Variants in EYA1 observed in about 807,000 individuals in gnomAD.
EYA1 encodes protein phosphatase EYA1.
A neutral mutation model predicts 82.0 loss-of-function variants in EYA1; 16 were observed. The ratio of observed to expected loss-of-function variants is 0.20; its 90% CI spans 0.13 to 0.30. The LOEUF is 0.30. EYA1 is among the 10% of genes least tolerant of loss of function. EYA1 has a pLI of 1.00. For synonymous variants in EYA1, 261 were observed against 264.4 expected (o/e 0.99, Z 0.12); for missense variants, 633 against 730.7 (o/e 0.87, Z 1.54).
Position 71,244,586 on chromosome 8 carries a change from T to C in EYA1, c.1140+17A>G. On this transcript the variant is annotated intron_variant, in intron 12 of 17. Coordinates refer to ENST00000340726, the MANE Select transcript of EYA1 (RefSeq NM_000503.6). ...TTTTCAGACATGCAAAAATATGTATTAAAAATTAGAACTTACTTCTAAGTC... is the reference window on the plus strand; with the variant it reads ...TTTTCAGACATGCAAAAATATGTATCAAAAATTAGAACTTACTTCTAAGTC... The C allele has an allele frequency of 7.4e-7, 1 of 1,355,008 alleles. No homozygotes were observed. Among genetic ancestry groups the C allele is most frequent in the South Asian group, 1.2e-5 (1 of 82,406 alleles). 83.9% of individuals were successfully genotyped at this position (1,355,008 alleles called of 1,614,324 possible).
chr8:71,317,263 A>G (rs1302304723), intron 7 of EYA1, among the ~76,000 whole-genome samples: 1 of 152,182 alleles, frequency 6.6e-6, no homozygotes, highest in Non-Finnish European at 1.5e-5. Context: ...CATTTCTTTT[A>G]TAACTGACAG....
intron 2 of EYA1, among the ~76,000 whole-genome samples, chr8:71,474,302 C>T (rs1279939617): frequency 1.3e-5 from 2 of 151,948 alleles, no homozygotes; most frequent in Admixed American, 6.6e-5. Context: ...TCCCTAGTGG[C>T]TATCAGCATA....
chr8:71,486,587 G>A (rs566588801), intron 2 of EYA1, among the ~76,000 whole-genome samples: 6 of 152,220 alleles, frequency 3.9e-5, no homozygotes, highest in African/African-American at 1.2e-4. Context: ...GGGATCCTCC[G>A]AATCCAGAGA....
At chr8:71,272,206 C>T (rs1481229611) in intron 9 of EYA1, among the ~76,000 whole-genome samples, 7 of 152,216 alleles carry the variant, frequency 4.6e-5, no homozygotes, top group South Asian at 4.1e-4. Flanking sequence ...TGCCTTTCCC[C>T]GCTTCTCTCA....
At chr8:71,288,798 A>G (rs1818681664) in intron 9 of EYA1, among the ~76,000 whole-genome samples, 1 of 152,252 alleles carries the variant, frequency 6.6e-6, no homozygotes, top group Non-Finnish European at 1.5e-5. Context: ...GCAAAATAGC[A>G]GAGAATTATA....
At chr8:71,229,669 A>G (rs1326202895) in intron 12 of EYA1, among the ~76,000 whole-genome samples, 1 of 152,220 alleles carries the variant, frequency 6.6e-6, no homozygotes, top group Admixed American at 6.5e-5. Context: ...TTATAAAATG[A>G]CACATACTCA....
rs988731774 is a variant in EYA1, at chr8:71,361,919, G to C, written c.-327C>G. ...CAGGAAGAAACCCGCCACAGTGGAC[G>C]GCAACAGGAAGGCTTAAAGTCGGAA... On this transcript the variant is annotated 5_prime_UTR_variant, in exon 1 of 18. Transcript: ENST00000340726. The C allele has an allele frequency of 1.0e-6, 1 of 985,332 alleles. No homozygotes were observed. Among genetic ancestry groups the C allele is most frequent in the African/African-American group, 1.7e-5 (1 of 57,238 alleles). 61.0% of individuals were successfully genotyped at this position (985,332 alleles called of 1,614,324 possible).
At chr8:71,522,723 C>T (rs955101189) in intron 2 of EYA1, among the ~76,000 whole-genome samples, 1 of 151,256 alleles carries the variant, frequency 6.6e-6, no homozygotes, top group Non-Finnish European at 1.5e-5. Context: ...GGCTCAAGTG[C>T]TCCTGCCTCC....
At chr8:71,441,322 A>G (rs1806421082) in intron 2 of EYA1, among the ~76,000 whole-genome samples, 1 of 152,174 alleles carries the variant, frequency 6.6e-6, no homozygotes, top group African/African-American at 2.4e-5. Context: ...AGGTGGGAGA[A>G]TTGCTTGAGT....
At position 71,217,958 on chromosome 8, in the gene EYA1, T is replaced by C. The variant is rs77367794; in HGVS notation, c.1141-935A>G. ...AATTGTGGGAAGAACAGGCACTCAA[T>C]AAACATTTGTTGAATGAATGAAGGC... On this transcript the variant is annotated intron_variant, in intron 12 of 17. Transcript: ENST00000340726. Among the ~76,000 whole-genome samples the C allele has an allele frequency of 6.8e-3, 1,030 of 152,202 alleles. 49 individuals carry two copies. In the East Asian group the frequency reaches 0.1, roughly 15 times the overall value.
At chr8:71,218,374 T>A (rs993001274) in intron 12 of EYA1, among the ~76,000 whole-genome samples, 2 of 152,054 alleles carry the variant, frequency 1.3e-5, no homozygotes, top group African/African-American at 4.8e-5. Flanking sequence ...CATGGATTTG[T>A]GAGGAAGGGA....
At chr8:71,240,222 T>A (rs974632935) in intron 12 of EYA1, among the ~76,000 whole-genome samples, 5 of 151,502 alleles carry the variant, frequency 3.3e-5, no homozygotes, top group African/African-American at 1.2e-4. Flanking sequence ...GGCCCTGGAC[T>A]CATCAAACTC....
chr8:71,468,367 G>A (rs1337785193), intron 2 of EYA1, among the ~76,000 whole-genome samples: 1 of 152,030 alleles, frequency 6.6e-6, no homozygotes, highest in African/African-American at 2.4e-5. Context: ...TGCAATTACA[G>A]GCCTGTGGAA....
rs1345810267 is a variant in EYA1, at chr8:71,303,340, C to T, written c.557-3620G>A. 4.6e-5 allele frequency among the ~76,000 whole-genome samples: 6 copies of T among 129,528 alleles called. No individual in the cohort carries two copies. In the Admixed American group the frequency reaches 4.7e-4, roughly 10 times the overall value. 85.0% of individuals were successfully genotyped at this position (129,528 alleles called of 152,430 possible). A position where few individuals can be genotyped will look rare whatever the true frequency, so the allele number is the denominator to read the frequency against. ...TACACACACACACACACACACACATCCATGACTTACTAATCAGTATTTTAA... is the reference window on the plus strand; with the variant it reads ...TACACACACACACACACACACACATTCATGACTTACTAATCAGTATTTTAA... On this transcript the variant is annotated intron_variant, in intron 7 of 17. Transcript: ENST00000340726.
chr8:71,463,977 G>T (rs979922546), intron 2 of EYA1, among the ~76,000 whole-genome samples: 1 of 152,040 alleles, frequency 6.6e-6, no homozygotes, highest in Non-Finnish European at 1.5e-5. Context: ...TGTAAACTGG[G>T]ATTCAAATTC....
intron 12 of EYA1, among the ~76,000 whole-genome samples, chr8:71,218,585 G>C (rs987117512): frequency 4.6e-5 from 7 of 151,598 alleles, no homozygotes; most frequent in African/African-American, 1.2e-4. Flanking sequence ...AAGAGAAAAG[G>C]AAAAGCAAGT....
chr8:71,458,955 T>A (rs1000274069), intron 2 of EYA1, among the ~76,000 whole-genome samples: 1 of 151,926 alleles, frequency 6.6e-6, no homozygotes, highest in African/African-American at 2.4e-5. Flanking sequence ...GGCAGGAGGG[T>A]TCTATGACAT....
chr8:71,514,365 A>C (rs1454434520), intron 2 of EYA1, among the ~76,000 whole-genome samples: 2 of 152,120 alleles, frequency 1.3e-5, no homozygotes, highest in Non-Finnish European at 1.5e-5. Context: ...TTAAAATATT[A>C]ATGATATGAT....
At chr8:71,437,083 TTA>T (rs59140624) in intron 2 of EYA1, among the ~76,000 whole-genome samples, 5,426 of 144,836 alleles carry the variant, frequency 0.037, 220 homozygotes, top group African/African-American at 0.1. Flanking sequence ...TCCATCTTGT[TTA>T]TATATATATA....
Sources: allele counts gnomAD v4.1 joint callset (sites outside exome capture counted in the v4.1 genomes callset), GRCh38; gene constraint gnomAD v4.1.1; transcripts MANE v1.5; gene names NCBI Gene and HGNC (gene_info 2026-07-23, HGNC 2026-07-21).